The following TTC28 variants were observed in gnomAD, a reference collection of about 807,000 sequenced individuals.
TTC28 encodes the protein tetratricopeptide repeat domain 28, also known as tetratricopeptide repeat protein 28.
A neutral mutation model predicts 198.0 loss-of-function variants in TTC28; 61 were observed. That is an observed-to-expected ratio of 0.31 (90% CI 0.25 to 0.38). The LOEUF is 0.38. Ranked by LOEUF, TTC28 falls within the 10% of genes least tolerant of loss-of-function variation. TTC28 has a pLI of 1.00. For synonymous variants in TTC28, 1,171 were observed against 1,297.8 expected (o/e 0.90, Z 2.10); for missense variants, 2,678 against 3,164.0 (o/e 0.85, Z 3.69).
intron 5 of TTC28, among the ~76,000 whole-genome samples, chr22:28,227,857 T>A (rs947200212): frequency 6.6e-6 from 1 of 152,192 alleles, no homozygotes; most frequent in African/African-American, 2.4e-5. Context: ...TCAGCAATTC[T>A]ACTCCTGGGT....
chr22:28,186,719 A>C (rs1035460356), intron 5 of TTC28, among the ~76,000 whole-genome samples: 1 of 151,850 alleles, frequency 6.6e-6, no homozygotes, highest in Non-Finnish European at 1.5e-5. Context: ...TTTCTGAAAA[A>C]CTCTGGGATT....
chr22:28,098,873 C>T, intron 10 of TTC28, 42 bp downstream of exon 10: 2 of 1,547,800 alleles, frequency 1.3e-6, no homozygotes, highest in Non-Finnish European at 1.7e-6. Flanking sequence ...CCCGTGCGCA[C>T]TAGTGCACAC....
At position 28,309,849 on chromosome 22, in the gene TTC28, C is replaced by G. The variant is rs144312434; in HGVS notation, c.382-3206G>C. On this transcript the variant is annotated intron_variant, in intron 2 of 22. Coordinates refer to ENST00000397906, the MANE Select transcript of TTC28 (RefSeq NM_001145418.2). ...ACTAACTGTTGAGAACACCTATACC[C>G]TAAGTACAATGATTTTAGGCTGAAG... Among the ~76,000 whole-genome samples the G allele has an allele frequency of 2.0e-5, 3 of 152,170 alleles. No individual in the cohort carries two copies. In the East Asian group the frequency reaches 5.8e-4, roughly 29 times the overall value.
intron 1 of TTC28, among the ~76,000 whole-genome samples, chr22:28,647,130 G>A (rs191576348): frequency 1.3e-5 from 2 of 152,194 alleles, no homozygotes; most frequent in East Asian, 3.9e-4. Context: ...CAAAAACTGG[G>A]GAAGAGGACA....
intron 6 of TTC28, among the ~76,000 whole-genome samples, chr22:28,151,409 G>A (rs1404667755): frequency 6.6e-6 from 1 of 152,182 alleles, no homozygotes. Context: ...CAGTTTTGCA[G>A]CCTCTCTTGC....
chr22:28,020,626 TCA>T (rs897727238), intron 13 of TTC28, among the ~76,000 whole-genome samples: 1 of 152,172 alleles, frequency 6.6e-6, no homozygotes, highest in Non-Finnish European at 1.5e-5. Context: ...AGCGCACTGC[TCA>T]CACTCCTTTG....
intron 6 of TTC28, among the ~76,000 whole-genome samples, chr22:28,153,993 C>A (rs544030028): frequency 1.1e-4 from 16 of 152,196 alleles, no homozygotes; most frequent in African/African-American, 3.4e-4. Context: ...CAGGTGTATA[C>A]TAAGTCACCT....
At chr22:28,555,996 G>A (rs779728325) in intron 2 of TTC28, among the ~76,000 whole-genome samples, 16 of 151,250 alleles carry the variant, frequency 1.1e-4, no homozygotes, top group South Asian at 2.1e-4. Context: ...ATTTTCCTTC[G>A]CCATAAAATA....
chr22:28,002,601 A>G (rs1450828303), intron 14 of TTC28: 2 of 151,496 alleles, frequency 1.3e-5, no homozygotes, highest in Admixed American at 6.6e-5. Flanking sequence ...GTAAACCCAT[A>G]TGGTTTTTTT....
intron 2 of TTC28, among the ~76,000 whole-genome samples, chr22:28,589,137 A>G (rs1017944152): frequency 1.3e-5 from 2 of 152,168 alleles, no homozygotes; most frequent in African/African-American, 4.8e-5. Flanking sequence ...GCATTCCTAA[A>G]TTCTAAAGAT....
chr22:28,239,735 ATG>A (rs1005736164), intron 5 of TTC28, among the ~76,000 whole-genome samples: 16 of 152,206 alleles, frequency 1.1e-4, no homozygotes, highest in African/African-American at 3.4e-4. Context: ...TTAGAAAGGA[ATG>A]GGGCTTGAAA....
intron 2 of TTC28, among the ~76,000 whole-genome samples, chr22:28,545,810 T>C (rs1365385974): frequency 1.3e-5 from 2 of 152,102 alleles, no homozygotes; most frequent in Non-Finnish European, 2.9e-5. Flanking sequence ...TTACAGAATA[T>C]TGCTGAAAGA....
At chr22:28,332,903 T>C (rs574560164) in intron 2 of TTC28, among the ~76,000 whole-genome samples, 2 of 152,246 alleles carry the variant, frequency 1.3e-5, no homozygotes, top group East Asian at 1.9e-4. Flanking sequence ...ATAAGACCAA[T>C]AGTTCTAATG....
intron 5 of TTC28, among the ~76,000 whole-genome samples, chr22:28,245,645 A>C (rs993352828): frequency 6.6e-6 from 1 of 152,212 alleles, no homozygotes; most frequent in African/African-American, 2.4e-5. Context: ...TGATGCACTA[A>C]AAAAATGCAA....
intron 5 of TTC28, among the ~76,000 whole-genome samples, chr22:28,255,850 T>A (rs986718400): frequency 6.6e-6 from 1 of 152,100 alleles, no homozygotes; most frequent in African/African-American, 2.4e-5. Flanking sequence ...TACATAAATA[T>A]GCACCTTTGC....
intron 2 of TTC28, among the ~76,000 whole-genome samples, chr22:28,460,853 T>C (rs979849487): frequency 2.0e-5 from 3 of 152,028 alleles, no homozygotes; most frequent in African/African-American, 7.2e-5. Flanking sequence ...CTGACTAATT[T>C]GTAAGTTTTT....
chr22:28,594,108 G>A (rs1449322836), intron 2 of TTC28, among the ~76,000 whole-genome samples: 1 of 152,094 alleles, frequency 6.6e-6, no homozygotes, highest in African/African-American at 2.4e-5. Context: ...TGTGATGAGA[G>A]ACACTGATGT....
chr22:28,340,997 A>T lies in TTC28; in HGVS notation c.382-34354T>A, dbSNP rs5762564. Among the ~76,000 whole-genome samples, 407 of 152,354 alleles carry T rather than the reference A, an allele frequency of 2.7e-3. 8 individuals are homozygous for T. The East Asian group carries it at 0.043, about 16-fold the overall frequency. On this transcript the variant is annotated intron_variant, in intron 2 of 22. Transcript: ENST00000397906. ...ACCAAATTAAACTAGATGACTAGGAAGAAAAATTATTTTAATTTAAAGTCT... is the reference window on the plus strand; with the variant it reads ...ACCAAATTAAACTAGATGACTAGGATGAAAAATTATTTTAATTTAAAGTCT...
At chr22:28,493,781 C>G (rs529023435) in intron 2 of TTC28, among the ~76,000 whole-genome samples, 1 of 152,246 alleles carries the variant, frequency 6.6e-6, no homozygotes, top group South Asian at 2.1e-4. Flanking sequence ...CTATCAGTTT[C>G]TAGGAAATAG....
Sources: gnomAD v4.1 joint callset for allele counts (sites outside exome capture counted in the v4.1 genomes callset) on GRCh38, gnomAD v4.1.1 for gene constraint, MANE v1.5 for transcripts, NCBI Gene and HGNC (gene_info 2026-07-23, HGNC 2026-07-21) for gene names.